The following LMNTD1 variants were observed in gnomAD, a reference collection of about 807,000 sequenced individuals.
The protein encoded by LMNTD1 is lamin tail domain containing 1, also known as lamin tail domain-containing protein 1.
LMNTD1 carries 35 observed loss-of-function variants against 50.9 expected under a neutral mutation model. The ratio of observed to expected loss-of-function variants is 0.69; its 90% CI spans 0.53 to 0.91. The LOEUF (loss-of-function observed/expected upper bound fraction) is 0.91, where lower values mean the gene tolerates loss of function less well. Among genes scored for constraint, LMNTD1 ranks in the 40% least tolerant of loss-of-function variants. The probability of loss-of-function intolerance (pLI) is 0.00; values close to 1 mark genes in which losing one functional copy is unlikely to be tolerated. For synonymous variants in LMNTD1, 153 were observed against 161.9 expected (o/e 0.94, Z 0.42); for missense variants, 470 against 475.5 (o/e 0.99, Z 0.11).
At chr12:25,573,744 C>A (rs76257491) in intron 1 of LMNTD1, among the ~76,000 whole-genome samples, 2 of 152,098 alleles carry the variant, frequency 1.3e-5, no homozygotes, top group East Asian at 1.9e-4. Flanking sequence ...CTTTTCCTCG[C>A]GGCTTGATTT....
At chr12:25,589,751 C>T (rs2136463826) in intron 1 of LMNTD1, among the ~76,000 whole-genome samples, 1 of 152,278 alleles carries the variant, frequency 6.6e-6, no homozygotes, top group South Asian at 2.1e-4. Context: ...CACAGAATAA[C>T]TATAAAAATG....
chr12:25,546,619 C>T (rs1011799313), intron 3 of LMNTD1, 65 bp from the exon 4 acceptor site: 2 of 992,898 alleles, frequency 2.0e-6, no homozygotes, highest in East Asian at 5.8e-5. Context: ...TTAAAAGGAC[C>T]TAAAGCCATT....
chr12:25,587,995 T>A (rs1237893721), intron 1 of LMNTD1, among the ~76,000 whole-genome samples: 1 of 152,214 alleles, frequency 6.6e-6, no homozygotes, highest in Non-Finnish European at 1.5e-5. Flanking sequence ...TGTTTAGTTA[T>A]AACTTGTCAA....
intron 1 of LMNTD1, among the ~76,000 whole-genome samples, chr12:25,640,708 C>A (rs900050394): frequency 6.6e-6 from 1 of 151,738 alleles, no homozygotes; most frequent in Non-Finnish European, 1.5e-5. Context: ...TCGCCCAGGC[C>A]CTGGAGTATA....
intron 9 of LMNTD1, among the ~76,000 whole-genome samples, chr12:25,498,656 T>G (rs1939205475): frequency 6.6e-6 from 1 of 152,248 alleles, no homozygotes; most frequent in African/African-American, 2.4e-5. Flanking sequence ...GTTTTGCTTT[T>G]GACCAATGTT....
intron 1 of LMNTD1, among the ~76,000 whole-genome samples, chr12:25,571,514 C>T (rs764520212): frequency 2.0e-5 from 3 of 151,988 alleles, no homozygotes; most frequent in African/African-American, 4.8e-5. Context: ...CAGGCACCCA[C>T]TACCACACCC....
At chr12:25,506,651 C>T (rs993815604) in intron 8 of LMNTD1, among the ~76,000 whole-genome samples, 1 of 151,316 alleles carries the variant, frequency 6.6e-6, no homozygotes, top group South Asian at 2.1e-4. Flanking sequence ...CGTTAGCCTT[C>T]ATTCTGACGA....
chr12:25,588,950 T>C (rs1306302591), intron 1 of LMNTD1, among the ~76,000 whole-genome samples: 16 of 152,140 alleles, frequency 1.1e-4, no homozygotes, highest in African/African-American at 1.4e-4. Context: ...TTAATACTCA[T>C]AAAATATGTT....
At chr12:25,648,437 T>A (rs1947119495) in intron 1 of LMNTD1, 2 of 1,388,608 alleles carry the variant, frequency 1.4e-6, no homozygotes. Flanking sequence ...AAAAAGGAAA[T>A]GAGGGAAGCC....
chr12:25,598,490 A>T (rs1163108305), intron 1 of LMNTD1, among the ~76,000 whole-genome samples: 2 of 152,014 alleles, frequency 1.3e-5, no homozygotes, highest in African/African-American at 2.4e-5. Context: ...TAGTACAAGA[A>T]AAGAAATAAT....
chr12:25,533,378 A>G (rs1942353494), intron 4 of LMNTD1, among the ~76,000 whole-genome samples: 1 of 152,192 alleles, frequency 6.6e-6, no homozygotes, highest in African/African-American at 2.4e-5. Flanking sequence ...CTATTTGTAA[A>G]GAGATTGAGG....
chr12:25,486,631 G>T (rs1296707633), intron 9 of LMNTD1, among the ~76,000 whole-genome samples: 1 of 149,594 alleles, frequency 6.7e-6, no homozygotes, highest in Non-Finnish European at 1.5e-5. Flanking sequence ...GTATGATATT[G>T]GCTGTGGGTT....
intron 1 of LMNTD1, among the ~76,000 whole-genome samples, chr12:25,565,133 G>A (rs997349101): frequency 6.6e-6 from 1 of 151,774 alleles, no homozygotes; most frequent in Non-Finnish European, 1.5e-5. Context: ...TTCATGAAGT[G>A]TGTTTCAGCC....
intron 1 of LMNTD1, among the ~76,000 whole-genome samples, chr12:25,627,882 G>A (rs1946625363): frequency 6.6e-6 from 1 of 151,908 alleles, no homozygotes; most frequent in Non-Finnish European, 1.5e-5. Context: ...GGCCGAGACG[G>A]GCGGATCACG....
At chr12:25,627,506 T>C (rs12425994) in intron 1 of LMNTD1, among the ~76,000 whole-genome samples, 3,537 of 152,208 alleles carry the variant, frequency 0.023, 126 homozygotes, top group Admixed American at 0.091. Context: ...GATAAAACAA[T>C]CCTAGAGAAA....
chr12:25,514,489 A>T (rs898282510), intron 8 of LMNTD1, among the ~76,000 whole-genome samples: 1 of 151,876 alleles, frequency 6.6e-6, no homozygotes, highest in African/African-American at 2.4e-5. Context: ...GAGTAGAAGG[A>T]TGGTTGCCAG....
chr12:25,555,347 G>T (rs1943998393), upstream of LMNTD1, among the ~76,000 whole-genome samples: 1 of 152,094 alleles, frequency 6.6e-6, no homozygotes, highest in African/African-American at 2.4e-5. Flanking sequence ...AATACCATCA[G>T]CAGCAACAAA....
intron 1 of LMNTD1, among the ~76,000 whole-genome samples, chr12:25,591,553 G>A (rs181973338): frequency 6.6e-6 from 1 of 152,258 alleles, no homozygotes; most frequent in East Asian, 1.9e-4. Context: ...CTCCTGGACG[G>A]CACCCCTGGA....
chr12:25,564,879 A>G (rs1944489452), intron 1 of LMNTD1, among the ~76,000 whole-genome samples: 1 of 152,124 alleles, frequency 6.6e-6, no homozygotes, highest in Non-Finnish European at 1.5e-5. Flanking sequence ...TATCTCTAAT[A>G]ATATTTGCTT....
Sources: gnomAD v4.1 joint callset for allele counts (sites outside exome capture counted in the v4.1 genomes callset) on GRCh38, gnomAD v4.1.1 for gene constraint, MANE v1.5 for transcripts, NCBI Gene and HGNC (gene_info 2026-07-23, HGNC 2026-07-21) for gene names.